Variants in PTPRM observed in about 807,000 individuals in gnomAD.
The protein encoded by PTPRM is protein tyrosine phosphatase receptor type M.
PTPRM carries 47 observed loss-of-function variants against 186.7 expected under a neutral mutation model. The observed-to-expected ratio is 0.25, with a 90% CI of 0.20 to 0.32. The LOEUF is 0.32. Among genes scored for constraint, PTPRM ranks in the 10% least tolerant of loss-of-function variants. The probability of loss-of-function intolerance (pLI) is 1.00; values close to 1 mark genes in which losing one functional copy is unlikely to be tolerated. For synonymous variants in PTPRM, 668 were observed against 674.9 expected (o/e 0.99, Z 0.16); for missense variants, 1,494 against 1,865.0 (o/e 0.80, Z 3.66).
At chr18:7,858,955 A>C (rs906179010) in intron 2 of PTPRM, among the ~76,000 whole-genome samples, 1 of 152,234 alleles carries the variant, frequency 6.6e-6, no homozygotes, top group East Asian at 1.9e-4. Context: ...TAATTATATG[A>C]GTGTCTAAAA....
At position 7,621,016 on chromosome 18, in the gene PTPRM, T is replaced by A. The variant is rs376454499; in HGVS notation, c.73+53125T>A. Among the ~76,000 whole-genome samples, 34 of 152,300 alleles carry A rather than the reference T, an allele frequency of 2.2e-4. No homozygotes were observed. The East Asian group carries it at 4.4e-3, about 20-fold the overall frequency. On this transcript the variant is annotated intron_variant, in intron 1 of 32. Coordinates refer to ENST00000580170, the MANE Select transcript of PTPRM (RefSeq NM_001105244.2). ...CGGCAACCTAGTGAGACCCCGTGTC[T>A]ACTAAGTAAATAAATAAATAAATAA...
chr18:7,794,184 A>G (rs1454310099), intron 2 of PTPRM, among the ~76,000 whole-genome samples: 2 of 152,234 alleles, frequency 1.3e-5, no homozygotes, highest in Non-Finnish European at 2.9e-5. Flanking sequence ...ACTCTGGGAT[A>G]CAGAAATCCC....
intron 14 of PTPRM, among the ~76,000 whole-genome samples, chr18:8,163,990 C>G (rs2093276609): frequency 6.6e-6 from 1 of 152,170 alleles, no homozygotes. Context: ...GAAGAACTTG[C>G]AACCATTAAA....
intron 1 of PTPRM, among the ~76,000 whole-genome samples, chr18:7,706,241 A>G (rs1476504880): frequency 6.6e-6 from 1 of 151,876 alleles, no homozygotes; most frequent in Non-Finnish European, 1.5e-5. Context: ...GGCAATAAAG[A>G]GGGTTTTCTG....
chr18:7,665,265 C>T (rs2039069910), intron 1 of PTPRM, among the ~76,000 whole-genome samples: 1 of 152,120 alleles, frequency 6.6e-6, no homozygotes, highest in Non-Finnish European at 1.5e-5. Context: ...TATGAGGGCT[C>T]TGAGTGTGTG....
chr18:7,717,732 T>C (rs1253628087), intron 1 of PTPRM, among the ~76,000 whole-genome samples: 1 of 152,220 alleles, frequency 6.6e-6, no homozygotes, highest in Admixed American at 6.5e-5. Flanking sequence ...GCCTGGATGC[T>C]GCTGTGGGGC....
intron 2 of PTPRM, among the ~76,000 whole-genome samples, chr18:7,775,187 G>A (rs2042520937): frequency 6.6e-6 from 1 of 152,196 alleles, no homozygotes; most frequent in African/African-American, 2.4e-5. Context: ...ACAGTATGAT[G>A]CTCACTGTGT....
At chr18:8,218,066 A>G (rs1362130281) in intron 14 of PTPRM, among the ~76,000 whole-genome samples, 1 of 152,170 alleles carries the variant, frequency 6.6e-6, no homozygotes, top group Non-Finnish European at 1.5e-5. Flanking sequence ...AGCTCATTAA[A>G]CTGACAGCAG....
chr18:8,022,530 C>G (rs1050777685), intron 7 of PTPRM, among the ~76,000 whole-genome samples: 11 of 152,166 alleles, frequency 7.2e-5, no homozygotes, highest in African/African-American at 2.4e-4. Flanking sequence ...TTGAAGGGAT[C>G]TCTGAAGATC....
rs1013225368 is a variant in PTPRM, at chr18:8,405,437, G to A, written c.4345-672G>A. ...CAAACCAAGGCTGCCTCCACTCCAC[G>A]CATCAGTTCCGTCCTCTGGGGAAGG... is the stretch of plus-strand genomic sequence containing the variant. On this transcript the variant is annotated intron_variant, in intron 32 of 32. Coordinates refer to ENST00000580170, the MANE Select transcript of PTPRM (RefSeq NM_001105244.2). Among the ~76,000 whole-genome samples, 11 of 152,182 alleles carry A rather than the reference G, an allele frequency of 7.2e-5. No individual in the cohort carries two copies. The South Asian group carries it at 1.2e-3, about 17-fold the overall frequency.
intron 1 of PTPRM, among the ~76,000 whole-genome samples, chr18:7,650,932 CT>C (rs35637548): frequency 0.26 from 35,924 of 136,894 alleles, 6,092 homozygotes; most frequent in African/African-American, 0.51. Flanking sequence ...AGAGAAATAT[CT>C]TTTTTTTTTT....
chr18:8,086,351 C>T (rs900931572), intron 10 of PTPRM, among the ~76,000 whole-genome samples: 4 of 152,122 alleles, frequency 2.6e-5, no homozygotes, highest in Non-Finnish European at 5.9e-5. Flanking sequence ...AACTGAGGGC[C>T]TCCAGCTTTT....
chr18:8,270,748 G>A (rs964729703), intron 19 of PTPRM, among the ~76,000 whole-genome samples: 3 of 152,120 alleles, frequency 2.0e-5, no homozygotes, highest in African/African-American at 4.8e-5. Context: ...AATGAAATAC[G>A]TCAGAGAAAG....
At chr18:7,706,979 G>A (rs2040108117) in intron 1 of PTPRM, among the ~76,000 whole-genome samples, 1 of 152,010 alleles carries the variant, frequency 6.6e-6, no homozygotes, top group African/African-American at 2.4e-5. Context: ...GGGTGAGTTG[G>A]GGTGTGGACA....
intron 13 of PTPRM, among the ~76,000 whole-genome samples, chr18:8,132,924 A>G (rs1328767397): frequency 6.6e-6 from 1 of 152,126 alleles, no homozygotes; most frequent in African/African-American, 2.4e-5. Flanking sequence ...TGTTTTCTGC[A>G]GCTGTAACAG....
Position 8,261,100 on chromosome 18 carries a change from A to G in PTPRM, c.2754+7686A>G, listed in dbSNP as rs567226564. Among the ~76,000 whole-genome samples, 6 of 152,292 alleles carry G rather than the reference A, an allele frequency of 3.9e-5. No individual in the cohort carries two copies. The South Asian group carries it at 1.0e-3, about 26-fold the overall frequency. On this transcript the variant is annotated intron_variant, in intron 19 of 32. Coordinates refer to ENST00000580170, the MANE Select transcript of PTPRM (RefSeq NM_001105244.2). ...CCCTTCCCTCACCTCCAGCCCACAC[A>G]CTTTTCAGATGTGCTTTTCAGTTCC...
chr18:8,392,517 C>G (rs955452302), intron 31 of PTPRM, among the ~76,000 whole-genome samples: 7 of 151,952 alleles, frequency 4.6e-5, no homozygotes, highest in African/African-American at 1.7e-4. Flanking sequence ...GTCCCAGCTA[C>G]TCGGGAGGCT....
intron 19 of PTPRM, 60 bp downstream of exon 19, chr18:8,253,474 T>G (rs1216596569): frequency 7.5e-7 from 1 of 1,335,750 alleles, no homozygotes; most frequent in Non-Finnish European, 9.7e-7. Flanking sequence ...TGCCAGGTAC[T>G]GTGCTCCCAA....
intron 4 of PTPRM, among the ~76,000 whole-genome samples, chr18:7,922,978 T>C (rs1258537114): frequency 1.3e-5 from 2 of 152,188 alleles, no homozygotes. Flanking sequence ...TTGTGGGGGC[T>C]ATCCTGCACA....
Sources: gnomAD v4.1 joint callset for allele counts (sites outside exome capture counted in the v4.1 genomes callset) on GRCh38, gnomAD v4.1.1 for gene constraint, MANE v1.5 for transcripts, NCBI Gene and HGNC (gene_info 2026-07-23, HGNC 2026-07-21) for gene names.